The following SSH1 variants were observed in gnomAD, a reference collection of about 807,000 sequenced individuals.
SSH1 encodes protein phosphatase Slingshot homolog 1.
Under a neutral mutation model 79.7 loss-of-function variants are expected in SSH1, and 43 were observed. That is an observed-to-expected ratio of 0.54 (90% CI 0.42 to 0.70). The LOEUF (loss-of-function observed/expected upper bound fraction) is 0.70, where lower values mean the gene tolerates loss of function less well. Among genes scored for constraint, SSH1 ranks in the 30% least tolerant of loss-of-function variants. SSH1 has a pLI of 0.00. For synonymous variants in SSH1, 599 were observed against 538.3 expected (o/e 1.11, Z -1.56); for missense variants, 1,206 against 1,358.8 (o/e 0.89, Z 1.77).
chr12:108,805,526 A>C (rs142109007), intron 9 of SSH1, among the ~76,000 whole-genome samples: 112 of 152,316 alleles, frequency 7.4e-4, no homozygotes, highest in African/African-American at 2.6e-3. Context: ...CTTTCTTGGA[A>C]AGATATCACA....
At chr12:108,844,608 C>G (rs1022561922) in intron 2 of SSH1, among the ~76,000 whole-genome samples, 1 of 152,236 alleles carries the variant, frequency 6.6e-6, no homozygotes, top group Non-Finnish European at 1.5e-5. Context: ...CTGCTAGGTG[C>G]ATGCACCCGA....
rs868600631 is a variant in SSH1, at chr12:108,843,628, G to A, written c.110+9010C>T. On this transcript the variant is annotated intron_variant, in intron 2 of 14. Coordinates refer to ENST00000326495, the MANE Select transcript of SSH1 (RefSeq NM_018984.4). Reference sequence around the variant, plus strand: ...CAGCTCACTGTAACCTCCACCTCCCGGGTTCCAGTGATTCTCCTGCCTCAG... The same window carrying A: ...CAGCTCACTGTAACCTCCACCTCCCAGGTTCCAGTGATTCTCCTGCCTCAG... 3.9e-5 allele frequency among the ~76,000 whole-genome samples: 6 copies of A among 152,094 alleles called. No individual in the cohort carries two copies. The South Asian group carries it at 6.2e-4, about 16-fold the overall frequency.
chr12:108,788,295 G>A lies in SSH1; in HGVS notation c.2843C>T (p.Pro948Leu). 6.2e-7 allele frequency: 1 copy of A among 1,613,504 alleles called. No homozygotes were observed. ...CTGTGTCCGCTGCTTCACCAGCCCG[G>A]GCTTCCCACGGACACTGTGGATGCT... is the stretch of plus-strand genomic sequence containing the variant. ...SDSIHSVRGK[P>L]GLVKQRTQEI... is the part of the protein sequence containing the mutation. The change falls in exon 15 of 15, where the codon CCC (proline) becomes CTC (leucine). Residue 948 changes from proline to leucine, a missense_variant. Transcript: ENST00000326495.
In SSH1 at chr12:108,857,117, G is replaced by A. The variant is rs1367616120; in HGVS notation, c.69+311C>T. ...AAGATGGGGGTAACCCCCTGATGTG[G>A]GTCACAGCGCACACACAGTATCCTG... On this transcript the variant is annotated intron_variant, in intron 1 of 14. Transcript: ENST00000326495. This position sits in a 1 kb window ranked among gnomAD's most constrained non-coding sequence, Gnocchi z 4.7. 2.0e-5 allele frequency among the ~76,000 whole-genome samples: 3 copies of A among 152,206 alleles called. No homozygotes were observed. The highest frequency in any genetic ancestry group is 2.9e-5 in the Non-Finnish European group (2 of 68,022).
chr12:108,836,927 G>T (rs1273572818), intron 2 of SSH1: 1 of 532,876 alleles, frequency 1.9e-6, no homozygotes, highest in African/African-American at 1.9e-5. Context: ...GACAGTACTG[G>T]GCACAAACAT....
At chr12:108,804,565 A>G (rs2037180075) in intron 10 of SSH1, among the ~76,000 whole-genome samples, 1 of 152,134 alleles carries the variant, frequency 6.6e-6, no homozygotes, top group African/African-American at 2.4e-5. Context: ...GTGCATGGAA[A>G]AGCTGTCTGG....
Position 108,857,464 on chromosome 12 carries a change from C to T in SSH1, c.33G>A (p.Thr11=). The T allele has an allele frequency of 8.9e-7, 1 of 1,128,818 alleles. No homozygotes were observed. The highest frequency in any genetic ancestry group is 1.1e-6 in the Non-Finnish European group (1 of 903,472). The allele number at this position is 1,128,818 out of a possible 1,614,324, so 69.9% of individuals were successfully genotyped here. MALVTLQRSP[T]PSAASSSASN... The stretch of plus-strand genomic sequence containing the variant: ...TGGCCGAGGAGGAGGCGGCGCTGGG[C>T]GTGGGCGAGCGCTGCAGGGTCACCA... Residue 11 remains threonine, a synonymous_variant, in exon 1 of 15, where the codon ACG becomes ACA. Transcript: ENST00000326495. This position sits in a 1 kb window ranked among gnomAD's most constrained non-coding sequence, Gnocchi z 4.7.
chr12:108,795,723 T>C (rs968913764), intron 13 of SSH1, among the ~76,000 whole-genome samples: 5 of 151,892 alleles, frequency 3.3e-5, no homozygotes, highest in Non-Finnish European at 7.4e-5. Context: ...AACCGGGTAT[T>C]GTGGTGCGCA....
chr12:108,845,317 T>C (rs1178563146), intron 2 of SSH1, among the ~76,000 whole-genome samples: 3 of 150,944 alleles, frequency 2.0e-5, no homozygotes, highest in Non-Finnish European at 4.4e-5. Context: ...GCCTTGTGAG[T>C]TCCCGAACAG....
Position 108,780,243 on chromosome 12 carries a change from C to T in SSH1, c.*7745G>A, listed in dbSNP as rs576207257. 6.6e-6 allele frequency: 1 copy of T among 152,276 alleles called. No individual in the cohort carries two copies. Among genetic ancestry groups the T allele is most frequent in the African/African-American group, 2.4e-5 (1 of 41,546 alleles). The allele number at this position is 152,276 out of a possible 1,614,324, so 9.4% of individuals were successfully genotyped here. A position where few individuals can be genotyped will look rare whatever the true frequency, so the allele number is the denominator to read the frequency against. On this transcript the variant is annotated 3_prime_UTR_variant, in exon 15 of 15. Transcript: ENST00000326495. ...AACATCTTGCCAAGAGGGGGTTCCC[C>T]AGGCATAAACACAAACAAGCATGCG...
rs946547620 is a variant in SSH1 at position 108,780,973 on chromosome 12, G to C, written c.*7015C>G. ...AAATCACTTGAACCCAGGAGGCAGA[G>C]GTTGCGGTGAGCTGAGATCACACCA... On this transcript the variant is annotated 3_prime_UTR_variant, in exon 15 of 15. Coordinates refer to ENST00000326495, the MANE Select transcript of SSH1 (RefSeq NM_018984.4). 14 of 152,038 alleles carry C rather than the reference G, an allele frequency of 9.2e-5. No homozygotes were observed. Among genetic ancestry groups the C allele is most frequent in the Admixed American group, 3.9e-4 (6 of 15,280 alleles). The allele number at this position is 152,038 out of a possible 1,614,324, so 9.4% of individuals were successfully genotyped here. A position where few individuals can be genotyped will look rare whatever the true frequency, so the allele number is the denominator to read the frequency against.
intron 2 of SSH1, among the ~76,000 whole-genome samples, chr12:108,842,508 G>A (rs1237902464): frequency 1.3e-5 from 2 of 152,224 alleles, no homozygotes; most frequent in South Asian, 2.1e-4. Flanking sequence ...CCTGCAGCCT[G>A]CAGAAGCTGG....
At chr12:108,818,505 G>A (rs74588442) in intron 3 of SSH1, among the ~76,000 whole-genome samples, 192 bp from the exon 4 acceptor site, 1,712 of 152,308 alleles carry the variant, frequency 0.011, 33 homozygotes, top group African/African-American at 0.039. Context: ...ACTGTGCGAC[G>A]TGGATGGGTG....
intron 2 of SSH1, among the ~76,000 whole-genome samples, chr12:108,847,858 T>C (rs1363377092): frequency 6.6e-6 from 1 of 152,130 alleles, no homozygotes; most frequent in Non-Finnish European, 1.5e-5. Flanking sequence ...AGACCTGCAT[T>C]GTAAGGCGGG....
chr12:108,792,976 G>C, intron 13 of SSH1, 147 bp from the exon 14 acceptor site: 2 of 950,664 alleles, frequency 2.1e-6, no homozygotes, highest in Non-Finnish European at 3.2e-6. Flanking sequence ...GCCTCTCTCT[G>C]TTCATTTGTT....
At chr12:108,809,423 C>T (rs1276406914) in intron 7 of SSH1, among the ~76,000 whole-genome samples, 1 of 151,010 alleles carries the variant, frequency 6.6e-6, no homozygotes, top group Non-Finnish European at 1.5e-5. Context: ...CACCACTGCA[C>T]CCCAGCCTGG....
At chr12:108,840,052 C>A (rs965733384) in intron 2 of SSH1, among the ~76,000 whole-genome samples, 3 of 152,216 alleles carry the variant, frequency 2.0e-5, no homozygotes, top group African/African-American at 7.2e-5. Flanking sequence ...CACACGCAGG[C>A]TCTCCCGGCA....
chr12:108,796,453 C>A (rs2036756169), intron 13 of SSH1, among the ~76,000 whole-genome samples: 1 of 152,174 alleles, frequency 6.6e-6, no homozygotes, highest in Admixed American at 6.5e-5. Flanking sequence ...TACAGTAGTT[C>A]TTTTCGTGAT....
In SSH1 at chr12:108,792,513, G is replaced by C. The variant is rs1406093477; in HGVS notation, c.1666C>G (p.Gln556Glu). 1 of 1,614,198 alleles carries C rather than the reference G, an allele frequency of 6.2e-7. No homozygotes were observed. The highest frequency in any genetic ancestry group is 8.5e-7 in the Non-Finnish European group (1 of 1,180,028). Reference sequence around the variant, plus strand: ...CAGAGTCCGGAACCTTGCTGGGGCTGTCTGGCCGGCCTGTGCACCTCTGCA... The same window carrying C: ...CAGAGTCCGGAACCTTGCTGGGGCTCTCTGGCCGGCCTGTGCACCTCTGCA... Reference protein sequence around the residue: ...PPAEVHRPARQPQQGSGLCEK... With the variant: ...PPAEVHRPAREPQQGSGLCEK... The change falls in exon 14 of 15, where the codon CAG (glutamine) becomes GAG (glutamate). Residue 556 changes from glutamine to glutamate, a missense_variant. By Grantham distance (29) the Gln-to-Glu change is conservative. Around this residue, in one of 5 missense-constraint regions of SSH1, gnomAD observed 709 missense variants for 730.6 expected, o/e 0.97. Coordinates refer to ENST00000326495, the MANE Select transcript of SSH1 (RefSeq NM_018984.4).
Sources: gnomAD v4.1 joint callset for allele counts (sites outside exome capture counted in the v4.1 genomes callset) on GRCh38, gnomAD v4.1.1 for gene constraint, gnomAD v4.1.1 regional missense constraint, Gnocchi (gnomAD v3.1) non-coding constraint, MANE v1.5 for transcripts, NCBI Gene and HGNC (gene_info 2026-07-23, HGNC 2026-07-21) for gene names.